ADAM19: variants seen among roughly 807,000 people sequenced by gnomAD.
ADAM19 encodes the protein disintegrin and metalloproteinase domain-containing protein 19.
A neutral mutation model predicts 114.7 loss-of-function variants in ADAM19; 65 were observed. The ratio of observed to expected loss-of-function variants is 0.57; its 90% CI spans 0.46 to 0.70. The LOEUF (loss-of-function observed/expected upper bound fraction) is 0.70, where lower values mean the gene tolerates loss of function less well. Ranked by LOEUF, ADAM19 falls within the 30% of genes least tolerant of loss-of-function variation. The probability of loss-of-function intolerance (pLI) is 0.00; values close to 1 mark genes in which losing one functional copy is unlikely to be tolerated. For synonymous variants in ADAM19, 466 were observed against 460.5 expected, an observed-to-expected ratio of 1.01 and a Z score of -0.15; for missense variants, 1,063 against 1,204.7, an observed-to-expected ratio of 0.88 and a Z score of 1.74.
At chr5:157,496,195 AT>A (rs141934243) in intron 14 of ADAM19, among the ~76,000 whole-genome samples, 2,810 of 151,840 alleles carry the variant, frequency 0.019, 80 homozygotes, top group African/African-American at 0.065. Context: ...TTTTCACTTA[AT>A]TTTTTGTGGA....
At chr5:157,531,178 T>A (rs1381258447) in intron 4 of ADAM19, among the ~76,000 whole-genome samples, 1 of 152,160 alleles carries the variant, frequency 6.6e-6, no homozygotes, top group Non-Finnish European at 1.5e-5. Context: ...TCCAGAATTT[T>A]CCTAGTTCAG....
At chr5:157,567,947 CAAAG>C (rs1757713954) in intron 2 of ADAM19, 2 of 152,032 alleles carry the variant, frequency 1.3e-5, no homozygotes, top group Non-Finnish European at 2.9e-5. Context: ...TCCCCTCCCC[CAAAG>C]AGACACAAGC....
chr5:157,529,633 C>T (rs879274386), intron 5 of ADAM19, among the ~76,000 whole-genome samples: 12 of 152,166 alleles, frequency 7.9e-5, no homozygotes, highest in Admixed American at 7.8e-4. Flanking sequence ...TGGAACACAC[C>T]TAGAGAAGCA....
chr5:157,519,759 C>G (rs1756216589), intron 6 of ADAM19, 80 bp downstream of exon 6: 1 of 1,330,110 alleles, frequency 7.5e-7, no homozygotes, highest in East Asian at 2.3e-5. Context: ...TAGAAATACT[C>G]CTGGATTCAA....
chr5:157,528,017 T>A (rs1283288220), intron 5 of ADAM19, among the ~76,000 whole-genome samples: 1 of 152,126 alleles, frequency 6.6e-6, no homozygotes, highest in African/African-American at 2.4e-5. Flanking sequence ...CATGGGAGCA[T>A]GTTTCCAGGA....
rs752638670 is a variant in ADAM19, at chr5:157,509,369, G to C, written c.837C>G (p.Leu279=). The change falls in exon 9 of 23, where the codon CTC becomes CTG. Residue 279 remains leucine (L), a synonymous_variant. Coordinates refer to ENST00000257527, the MANE Select transcript of ADAM19 (RefSeq NM_033274.5). ...CEVSENPYST[L]WSFLSWRRKL... is the part of the protein sequence containing the mutation. ...TGCGCCTCCAACTGAGAAAGGACCA[G>C]AGGGTAGAATATGGATTCTCTGAAA... The C allele has an allele frequency of 1.9e-6, 3 of 1,613,914 alleles. No individual in the cohort carries two copies. The South Asian group carries it at 3.3e-5, about 18-fold the overall frequency.
rs770757234 is a variant in ADAM19 at position 157,493,128 on chromosome 5, G to A, written c.1753C>T (p.Leu585=). 2.5e-6 allele frequency: 4 copies of A among 1,614,228 alleles called. No individual in the cohort carries two copies. In the East Asian group the frequency reaches 8.9e-5, roughly 36 times the overall value. ...TCAATGGGCACCGCGTTGGACTCCA[G>A]GGGCCGGGCCTCAGAGCTCTGACAC... The part of the protein sequence containing the change: ...IQCQSSEARP[L]ESNAVPIDTT... The change falls in exon 16 of 23, where the codon CTG becomes TTG. Residue 585 remains leucine (L), a synonymous_variant. Coordinates refer to ENST00000257527, the MANE Select transcript of ADAM19 (RefSeq NM_033274.5).
At position 157,550,992 on chromosome 5, in the gene ADAM19, G is replaced by A. The variant is rs533731086; in HGVS notation, c.252-13001C>T. Among the ~76,000 whole-genome samples the A allele has an allele frequency of 2.6e-5, 4 of 152,284 alleles. No individual in the cohort carries two copies. In the South Asian group the frequency reaches 6.2e-4, roughly 24 times the overall value. Reference sequence around the variant, plus strand: ...ATAGACTATAATATCACACAGCCACGAAAATGATATGATAGTCTCTTCAAT... The same window carrying A: ...ATAGACTATAATATCACACAGCCACAAAAATGATATGATAGTCTCTTCAAT... On this transcript the variant is annotated intron_variant, in intron 3 of 22. Coordinates refer to ENST00000257527, the MANE Select transcript of ADAM19 (RefSeq NM_033274.5).
chr5:157,492,885 C>G, intron 16 of ADAM19, 88 bp downstream of exon 16: 1 of 1,464,720 alleles, frequency 6.8e-7, no homozygotes, highest in South Asian at 1.2e-5. Context: ...GAGGTGGCAT[C>G]TGAGCCCAGG....
intron 11 of ADAM19, among the ~76,000 whole-genome samples, chr5:157,504,457 G>A (rs569623276): frequency 1.0e-3 from 159 of 152,180 alleles, no homozygotes; most frequent in Admixed American, 2.5e-3. Flanking sequence ...CACCATGTTG[G>A]CCAGGCTGGT....
chr5:157,551,411 C>CAAAAAAAAAA (rs1307546089), intron 3 of ADAM19, among the ~76,000 whole-genome samples: 1 of 73,488 alleles, frequency 1.4e-5, no homozygotes, highest in Non-Finnish European at 2.5e-5. Flanking sequence ...CCCCCCAACC[C>CAAAAAAAAAA]CAAAAAAAAA....
In ADAM19 at chr5:157,574,445, AG is replaced by A. The variant is rs543073795; in HGVS notation, c.94+1157del. 9.2e-5 allele frequency among the ~76,000 whole-genome samples: 14 copies of A among 152,184 alleles called. No homozygotes were observed. The South Asian group carries it at 2.9e-3, about 32-fold the overall frequency. On this transcript the variant is annotated intron_variant, in intron 1 of 22. Transcript: ENST00000257527. The stretch of plus-strand genomic sequence containing the variant: ...AACAGCTCAAAGGGCGGTTCCTTTG[AG>A]CCCTTTGGGAGGACCGCCCGACCTC...
intron 1 of ADAM19, among the ~76,000 whole-genome samples, chr5:157,572,106 G>A (rs1351545982): frequency 1.3e-5 from 2 of 151,354 alleles, no homozygotes; most frequent in African/African-American, 4.9e-5. Context: ...TTTCTTTTGA[G>A]ACGGAGTCTC....
chr5:157,514,961 C>T (rs969398367), intron 7 of ADAM19, among the ~76,000 whole-genome samples: 7 of 152,202 alleles, frequency 4.6e-5, no homozygotes, highest in African/African-American at 1.7e-4. Flanking sequence ...TCCACCCCAT[C>T]CCATGAGAAT....
chr5:157,568,700 A>C (rs963597750), intron 2 of ADAM19: 10 of 152,204 alleles, frequency 6.6e-5, no homozygotes, highest in Non-Finnish European at 1.5e-4. Flanking sequence ...GTTAATGTTT[A>C]ATGAATGTGA....
chr5:157,497,116 C>A, intron 13 of ADAM19, 27 bp from the exon 14 acceptor site: 1 of 1,477,488 alleles, frequency 6.8e-7, no homozygotes. Context: ...GAGGAAAACA[C>A]AGTCAATCTC....
chr5:157,552,234 G>A (rs999305177), intron 3 of ADAM19, among the ~76,000 whole-genome samples: 5 of 152,308 alleles, frequency 3.3e-5, no homozygotes, highest in Non-Finnish European at 7.4e-5. Context: ...ATAAATGCTG[G>A]TGAGGATGTG....
chr5:157,510,218 T>C (rs1385170557), intron 8 of ADAM19, among the ~76,000 whole-genome samples: 1 of 152,248 alleles, frequency 6.6e-6, no homozygotes, highest in Non-Finnish European at 1.5e-5. Context: ...CTCACACCTG[T>C]AATCCCAGCA....
At chr5:157,490,246 C>G (rs1339499232) in intron 19 of ADAM19, 64 bp downstream of exon 19, 1 of 1,585,070 alleles carries the variant, frequency 6.3e-7, no homozygotes, top group African/African-American at 1.3e-5. Flanking sequence ...TTGCTAAGTA[C>G]CATTTATGGA....
Sources: allele counts gnomAD v4.1 joint callset (sites outside exome capture counted in the v4.1 genomes callset), GRCh38; gene constraint gnomAD v4.1.1; transcripts MANE v1.5; gene names NCBI Gene and HGNC (gene_info 2026-07-23, HGNC 2026-07-21).